The following ITFG1 variants were observed in gnomAD, a reference collection of about 807,000 sequenced individuals.
ITFG1 encodes integrin alpha FG-GAP repeat containing 1.
ITFG1 carries 34 observed loss-of-function variants against 81.8 expected under a neutral mutation model. The ratio of observed to expected loss-of-function variants is 0.42; its 90% CI spans 0.32 to 0.55. ITFG1 has a LOEUF of 0.55. ITFG1 is among the 20% of genes least tolerant of loss of function. ITFG1 has a pLI of 0.17. For missense variants in ITFG1, 672 were observed against 755.4 expected (o/e 0.89, Z 1.29); for synonymous variants, 285 against 270.6 (o/e 1.05, Z -0.52).
chr16:47,408,794 G>A (rs890817641), intron 6 of ITFG1, among the ~76,000 whole-genome samples: 4 of 152,146 alleles, frequency 2.6e-5, no homozygotes, highest in East Asian at 3.9e-4. Flanking sequence ...AGGTAACTGC[G>A]TAGGGCAGGA....
intron 9 of ITFG1, 104 bp downstream of exon 9, chr16:47,313,625 G>T: frequency 2.3e-6 from 1 of 440,814 alleles, no homozygotes. Context: ...ACTTAATTTT[G>T]GGGTTCCCTC....
intron 10 of ITFG1, among the ~76,000 whole-genome samples, chr16:47,278,646 T>C (rs1295641211): frequency 1.3e-5 from 2 of 152,142 alleles, no homozygotes. Flanking sequence ...AAAATATTTC[T>C]GTATAGAAAA....
chr16:47,162,576 A>T lies in ITFG1; in HGVS notation c.1542T>A (p.His514Gln). The T allele has an allele frequency of 6.2e-7, 1 of 1,612,410 alleles. No individual in the cohort carries two copies. The highest frequency in any genetic ancestry group is 8.5e-7 in the Non-Finnish European group (1 of 1,178,964). ...GLGRSANFLD[H>Q]LYVGIPRPSG... ...ATGGACGGGGAATACCAACGTAGAG[A>T]TGGTCAAGAAAATTTGCGCTCCGAC... The change falls in exon 15 of 18, where the codon CAT becomes CAA. Residue 514 changes from histidine to glutamine, a missense_variant. This residue lies in a region of ITFG1 where 560 missense variants were observed against 625.7 expected (regional missense o/e 0.90). Coordinates refer to ENST00000320640, the MANE Select transcript of ITFG1 (RefSeq NM_030790.5).
chr16:47,365,759 C>CTTTTTT, intron 8 of ITFG1, 29 bp downstream of exon 8: 1 of 1,101,304 alleles, frequency 9.1e-7, no homozygotes, highest in Non-Finnish European at 1.3e-6. Context: ...AGGCAAAAGC[C>CTTTTTT]TTTTTTTTTT....
intron 14 of ITFG1, among the ~76,000 whole-genome samples, chr16:47,184,487 G>C (rs1965182545): frequency 6.6e-6 from 1 of 152,164 alleles, no homozygotes; most frequent in Admixed American, 6.5e-5. Context: ...CATTCTTAAA[G>C]AAAAGAATTT....
intron 8 of ITFG1, among the ~76,000 whole-genome samples, chr16:47,352,628 A>G (rs1967977576): frequency 6.6e-6 from 1 of 152,192 alleles, no homozygotes; most frequent in Non-Finnish European, 1.5e-5. Flanking sequence ...AACTAGTTCA[A>G]CCATTGTGGG....
At chr16:47,408,231 T>C (rs1435636083) in intron 6 of ITFG1, among the ~76,000 whole-genome samples, 5 of 152,206 alleles carry the variant, frequency 3.3e-5, no homozygotes, top group African/African-American at 4.8e-5. Flanking sequence ...GTAAATAATT[T>C]TGAATTTGAT....
intron 14 of ITFG1, among the ~76,000 whole-genome samples, chr16:47,203,031 C>A (rs543702655): frequency 6.6e-6 from 1 of 152,086 alleles, no homozygotes; most frequent in South Asian, 2.1e-4. Context: ...AGCAGGGTGT[C>A]CAAGTGATAT....
At chr16:47,172,118 C>G (rs780364786) in intron 14 of ITFG1, among the ~76,000 whole-genome samples, 8 of 152,166 alleles carry the variant, frequency 5.3e-5, no homozygotes, top group Non-Finnish European at 1.0e-4. Flanking sequence ...ACTCTAGGCT[C>G]TCATATCAAA....
chr16:47,278,829 TACTC>T (rs1966423954), intron 10 of ITFG1, among the ~76,000 whole-genome samples: 1 of 152,134 alleles, frequency 6.6e-6, no homozygotes, highest in South Asian at 2.1e-4. Flanking sequence ...ACCTAAATAT[TACTC>T]ACTGACAGCA....
intron 5 of ITFG1, among the ~76,000 whole-genome samples, chr16:47,435,804 CTA>C (rs753642526): frequency 5.3e-5 from 8 of 152,148 alleles, no homozygotes; most frequent in Non-Finnish European, 8.8e-5. Context: ...TGCTGAAAAA[CTA>C]TATACCAGCT....
intron 10 of ITFG1, among the ~76,000 whole-genome samples, chr16:47,301,345 A>G (rs780316451): frequency 2.0e-5 from 3 of 152,074 alleles, no homozygotes; most frequent in Non-Finnish European, 2.9e-5. Flanking sequence ...TTTACAGTAA[A>G]CATGAATTCT....
chr16:47,391,062 G>A (rs1968524434), intron 6 of ITFG1, among the ~76,000 whole-genome samples: 1 of 152,012 alleles, frequency 6.6e-6, no homozygotes, highest in African/African-American at 2.4e-5. Context: ...GGGGCATTAA[G>A]AAAGTTTCAT....
At chr16:47,303,483 T>C (rs1006966806) in intron 10 of ITFG1, among the ~76,000 whole-genome samples, 1 of 45,372 alleles carries the variant, frequency 2.2e-5, no homozygotes, top group African/African-American at 9.1e-5. Flanking sequence ...TAGCACTTAA[T>C]CTATCAGCCT....
intron 14 of ITFG1, among the ~76,000 whole-genome samples, chr16:47,207,164 G>A (rs922455825): frequency 7.2e-5 from 11 of 152,070 alleles, no homozygotes; most frequent in African/African-American, 2.4e-4. Context: ...CTCACTGCAA[G>A]CTCTGCCTCC....
intron 6 of ITFG1, among the ~76,000 whole-genome samples, chr16:47,422,441 C>A (rs1968962948): frequency 6.6e-6 from 1 of 152,250 alleles, no homozygotes; most frequent in South Asian, 2.1e-4. Context: ...GGGATATTGG[C>A]CTAAAATTCC....
At chr16:47,161,325 T>C (rs530769210) in intron 16 of ITFG1, among the ~76,000 whole-genome samples, 1 of 152,340 alleles carries the variant, frequency 6.6e-6, no homozygotes, top group South Asian at 2.1e-4. Context: ...CAGCCAGCAA[T>C]GGAGCTGAAT....
chr16:47,353,883 T>C (rs1968001890), intron 8 of ITFG1, among the ~76,000 whole-genome samples: 1 of 151,974 alleles, frequency 6.6e-6, no homozygotes, highest in African/African-American at 2.4e-5. Context: ...AGAAATTGAA[T>C]CAGATACAAA....
Position 47,460,999 on chromosome 16 carries a change from G to C in ITFG1, c.47C>G (p.Pro16Arg), listed in dbSNP as rs112915238. ...RLPSSWALFSPLLAGLALLGV... is the reference protein window; with the variant it reads ...RLPSSWALFSRLLAGLALLGV... ...CAGTAGTGCAAGCCCTGCGAGGAGC[G>C]GCGAGAAGAGGGCCCAGGAGCTCGG... The change falls in exon 1 of 18, where the codon CCG (proline) becomes CGG (arginine). Residue 16 changes from proline to arginine, a missense_variant. Physicochemically the swap from Pro to Arg is moderately radical, Grantham distance 103 (BLOSUM62 -2). Transcript: ENST00000320640. 1.7e-5 allele frequency: 26 copies of C among 1,566,188 alleles called. 1 individual carries two copies. Among genetic ancestry groups the C allele is most frequent in the African/African-American group, 1.2e-4 (9 of 73,868 alleles).
Sources: allele counts gnomAD v4.1 joint callset (sites outside exome capture counted in the v4.1 genomes callset), GRCh38; gene constraint gnomAD v4.1.1; regional missense constraint gnomAD v4.1.1; transcripts MANE v1.5; gene names NCBI Gene and HGNC (gene_info 2026-07-23, HGNC 2026-07-21).